BRD3OS: variants seen among roughly 807,000 people sequenced by gnomAD.
The protein encoded by BRD3OS is uncharacterized protein BRD3OS.
chr9:134,031,331 GC>G lies in BRD3OS; in HGVS notation c.*4335del. 6 of 207,868 alleles carry G rather than the reference GC, an allele frequency of 2.9e-5. No homozygotes were observed. The highest frequency in any genetic ancestry group is 7.1e-5 in the East Asian group (1 of 14,010). 12.9% of individuals were successfully genotyped at this position (207,868 alleles called of 1,614,324 possible). A position where few individuals can be genotyped will look rare whatever the true frequency, so the allele number is the denominator to read the frequency against. On this transcript the variant is annotated 3_prime_UTR_variant, in exon 3 of 3. Transcript: ENST00000603928. ...TGGCTGGAGGGGCATTGCAAGGAGC[GC>G]CCCCCAGCCCCAGGCACCCCCGGCT...
intron 1 of BRD3OS, 82 bp downstream of exon 1, chr9:134,025,618 C>G (rs904161047): frequency 3.3e-5 from 5 of 149,608 alleles, no homozygotes; most frequent in African/African-American, 1.2e-4. Flanking sequence ...CCAGAGCGCG[C>G]GGGGTCTGGG....
chr9:134,028,427 T>G lies in BRD3OS; in HGVS notation c.*1425T>G, dbSNP rs1214254255. 1 of 152,292 alleles carries G rather than the reference T, an allele frequency of 6.6e-6. No homozygotes were observed. 9.4% of individuals were successfully genotyped at this position (152,292 alleles called of 1,614,324 possible). On this transcript the variant is annotated 3_prime_UTR_variant, in exon 3 of 3. Transcript: ENST00000603928. ...TTTTTTTAAGAGAGTCTCACTCTGT[T>G]GCCCAGGCTGGAGTGCAATGGCACA...
chr9:134,026,287 G>C lies in BRD3OS; in HGVS notation c.-461G>C, dbSNP rs1363700476. ...GGTGGGTCAGAACAGCCGTTGCCCT[G>C]AAAGCTGGCCCGGACAGATGCGTGC... On this transcript the variant is annotated 5_prime_UTR_variant, in exon 3 of 3. Transcript: ENST00000603928. This position sits in a 1 kb window ranked among gnomAD's most constrained non-coding sequence, Gnocchi z 4.4. The C allele has an allele frequency of 6.5e-6, 1 of 153,090 alleles. No individual in the cohort carries two copies. The highest frequency in any genetic ancestry group is 1.5e-5 in the Non-Finnish European group (1 of 68,672). 9.5% of individuals were successfully genotyped at this position (153,090 alleles called of 1,614,324 possible).
At position 134,029,005 on chromosome 9, in the gene BRD3OS, T is replaced by C. The variant is rs1843471032; in HGVS notation, c.*2003T>C. ...GAGATTTGAAGTCAGACTTCCAGGA[T>C]TGCCGCATGGAGCTGCAGAGGGAGT... On this transcript the variant is annotated 3_prime_UTR_variant, in exon 3 of 3. Coordinates refer to ENST00000603928, the MANE Select transcript of BRD3OS (RefSeq NM_001355256.2). 6.6e-6 allele frequency: 1 copy of C among 152,248 alleles called. No individual in the cohort carries two copies. Among genetic ancestry groups the C allele is most frequent in the Non-Finnish European group, 1.5e-5 (1 of 68,050 alleles). The allele number at this position is 152,248 out of a possible 1,614,324, so 9.4% of individuals were successfully genotyped here.
At position 134,027,022 on chromosome 9, in the gene BRD3OS, A is replaced by T. The variant is rs1165033612; in HGVS notation, c.*20A>T. The stretch of plus-strand genomic sequence containing the variant: ...ATGTAATTCCGATGTGAGCACCTGA[A>T]CCCAGGACCACACTTTGAGGAAAAC... On this transcript the variant is annotated 3_prime_UTR_variant, in exon 3 of 3. Transcript: ENST00000603928. 5.0e-6 allele frequency: 2 copies of T among 398,694 alleles called. No individual in the cohort carries two copies. The highest frequency in any genetic ancestry group is 4.1e-5 in the African/African-American group (2 of 48,636). 24.7% of individuals were successfully genotyped at this position (398,694 alleles called of 1,614,324 possible).
At position 134,027,871 on chromosome 9, in the gene BRD3OS, C is replaced by T. The variant is rs1219813691; in HGVS notation, c.*869C>T. On this transcript the variant is annotated 3_prime_UTR_variant, in exon 3 of 3. Transcript: ENST00000603928. ...GCCTACAGTGACTTCCATGTAGTAA[C>T]AGGGCTGAGCAAGGCAGGCTCTCCA... 6.6e-6 allele frequency: 1 copy of T among 152,206 alleles called. No individual in the cohort carries two copies. Among genetic ancestry groups the T allele is most frequent in the African/African-American group, 2.4e-5 (1 of 41,436 alleles). 9.4% of individuals were successfully genotyped at this position (152,206 alleles called of 1,614,324 possible).
At position 134,028,563 on chromosome 9, in the gene BRD3OS, A is replaced by G. The variant is rs950630245; in HGVS notation, c.*1561A>G. ...GCCACCACGCCTGGCTAATTTTTCT[A>G]TTTTTAATAGAGACAAGGTTTCACC... On this transcript the variant is annotated 3_prime_UTR_variant, in exon 3 of 3. Coordinates refer to ENST00000603928, the MANE Select transcript of BRD3OS (RefSeq NM_001355256.2). The G allele has an allele frequency of 8.6e-5, 13 of 152,008 alleles. No individual in the cohort carries two copies. The highest frequency in any genetic ancestry group is 3.1e-4 in the African/African-American group (13 of 41,370). The allele number at this position is 152,008 out of a possible 1,614,324, so 9.4% of individuals were successfully genotyped here.
chr9:134,027,193 CTGG>C lies in BRD3OS; in HGVS notation c.*194_*196del, dbSNP rs1442369056. On this transcript the variant is annotated 3_prime_UTR_variant, in exon 3 of 3. Transcript: ENST00000603928. ...ACCCCTCAGCACAGCCGCGGTGTGA[CTGG>C]TGCACAGGACACTTCCCCTCTAGAG... 1.1e-5 allele frequency: 4 copies of C among 372,326 alleles called. No homozygotes were observed. The South Asian group carries it at 4.5e-4, about 41-fold the overall frequency. The allele number at this position is 372,326 out of a possible 1,614,324, so 23.1% of individuals were successfully genotyped here.
In BRD3OS at chr9:134,027,133, TG is replaced by T; in HGVS notation, c.*132del. ...AATGAACGTGAAGATCAAACTGTGGTGTAAGAACCCAAGAAGCGCAGAATTG... is the reference window on the plus strand; with the variant it reads ...AATGAACGTGAAGATCAAACTGTGGTTAAGAACCCAAGAAGCGCAGAATTG... On this transcript the variant is annotated 3_prime_UTR_variant, in exon 3 of 3. Transcript: ENST00000603928. 1 of 395,346 alleles carries T rather than the reference TG, an allele frequency of 2.5e-6. No individual in the cohort carries two copies. The highest frequency in any genetic ancestry group is 4.5e-6 in the Non-Finnish European group (1 of 224,476). The allele number at this position is 395,346 out of a possible 1,614,324, so 24.5% of individuals were successfully genotyped here. A position where few individuals can be genotyped will look rare whatever the true frequency, so the allele number is the denominator to read the frequency against.
In BRD3OS at chr9:134,028,775, A is replaced by G. The variant is rs1843467564; in HGVS notation, c.*1773A>G. The G allele has an allele frequency of 6.6e-6, 1 of 152,304 alleles. No homozygotes were observed. Among genetic ancestry groups the G allele is most frequent in the Admixed American group, 6.5e-5 (1 of 15,294 alleles). The allele number at this position is 152,304 out of a possible 1,614,324, so 9.4% of individuals were successfully genotyped here. A position where few individuals can be genotyped will look rare whatever the true frequency, so the allele number is the denominator to read the frequency against. Reference sequence around the variant, plus strand: ...ACAGCATCCAGGTTGTCATCTGTGCAAACAGCATGTTCTGAATGTGCCTGT... The same window carrying G: ...ACAGCATCCAGGTTGTCATCTGTGCGAACAGCATGTTCTGAATGTGCCTGT... On this transcript the variant is annotated 3_prime_UTR_variant, in exon 3 of 3. Transcript: ENST00000603928.
Position 134,028,631 on chromosome 9 carries a change from T to TGG in BRD3OS, c.*1630_*1631insGG, listed in dbSNP as rs2132359972. Reference sequence around the variant, plus strand: ...CTCGAACTGCCAATCTCAGGTGATCTGCCCACCTCGGCCTCCCAAAGTACT... The same window carrying TGG: ...CTCGAACTGCCAATCTCAGGTGATCTGGGCCCACCTCGGCCTCCCAAAGTACT... On this transcript the variant is annotated 3_prime_UTR_variant, in exon 3 of 3. Transcript: ENST00000603928. 6.6e-6 allele frequency: 1 copy of TGG among 152,404 alleles called. No homozygotes were observed. The highest frequency in any genetic ancestry group is 1.9e-4 in the East Asian group (1 of 5,176). 9.4% of individuals were successfully genotyped at this position (152,404 alleles called of 1,614,324 possible).
At position 134,031,175 on chromosome 9, in the gene BRD3OS, G is replaced by A. The variant is rs1588266669; in HGVS notation, c.*4173G>A. 13 of 224,788 alleles carry A rather than the reference G, an allele frequency of 5.8e-5. No individual in the cohort carries two copies. The East Asian group carries it at 8.3e-4, about 14-fold the overall frequency. The allele number at this position is 224,788 out of a possible 1,614,324, so 13.9% of individuals were successfully genotyped here. On this transcript the variant is annotated 3_prime_UTR_variant, in exon 3 of 3. Coordinates refer to ENST00000603928, the MANE Select transcript of BRD3OS (RefSeq NM_001355256.2). ...AGTGGCTTCTTTCTAGATGAAAGGAGCAGAGGCGAGCCGACGCCACCGTCA... is the reference window on the plus strand; with the variant it reads ...AGTGGCTTCTTTCTAGATGAAAGGAACAGAGGCGAGCCGACGCCACCGTCA...
chr9:134,027,720 T>G lies in BRD3OS; in HGVS notation c.*718T>G, dbSNP rs1421266966. The G allele has an allele frequency of 6.6e-6, 1 of 152,224 alleles. No individual in the cohort carries two copies. The highest frequency in any genetic ancestry group is 6.5e-5 in the Admixed American group (1 of 15,288). 9.4% of individuals were successfully genotyped at this position (152,224 alleles called of 1,614,324 possible). ...TCACCGCACCAAGCCCGCATTTATA[T>G]TTTGAGTTACCAAAATGATCATCAT... On this transcript the variant is annotated 3_prime_UTR_variant, in exon 3 of 3. Coordinates refer to ENST00000603928, the MANE Select transcript of BRD3OS (RefSeq NM_001355256.2).
At position 134,030,671 on chromosome 9, in the gene BRD3OS, C is replaced by T; in HGVS notation, c.*3669C>T. The T allele has an allele frequency of 4.3e-6, 1 of 230,082 alleles. No individual in the cohort carries two copies. Among genetic ancestry groups the T allele is most frequent in the South Asian group, 1.8e-4 (1 of 5,492 alleles). The allele number at this position is 230,082 out of a possible 1,614,324, so 14.3% of individuals were successfully genotyped here. A position where few individuals can be genotyped will look rare whatever the true frequency, so the allele number is the denominator to read the frequency against. On this transcript the variant is annotated 3_prime_UTR_variant, in exon 3 of 3. Coordinates refer to ENST00000603928, the MANE Select transcript of BRD3OS (RefSeq NM_001355256.2). ...ACAAATTCTGTATGTGGGTGTTACT[C>T]TTTCCCAAAAGACTGTCAGAGGCGT... is the stretch of plus-strand genomic sequence containing the variant.
In BRD3OS at chr9:134,026,647, T is replaced by TC; in HGVS notation, c.-99dup. The TC allele has an allele frequency of 2.5e-6, 1 of 397,476 alleles. No homozygotes were observed. Among genetic ancestry groups the TC allele is most frequent in the Middle Eastern group, 6.3e-4 (1 of 1,588 alleles). 24.6% of individuals were successfully genotyped at this position (397,476 alleles called of 1,614,324 possible). A position where few individuals can be genotyped will look rare whatever the true frequency, so the allele number is the denominator to read the frequency against. ...TTCTACCATTCAGTTAAACGAGGGA[T>TC]CCTTAAGCCCCAAAGCTGGGAAAGC... On this transcript the variant is annotated 5_prime_UTR_variant, in exon 3 of 3. The change creates a premature stop within an existing upstream ORF in the 5' untranslated region. Coordinates refer to ENST00000603928, the MANE Select transcript of BRD3OS (RefSeq NM_001355256.2). The surrounding 1 kb of genome is among the most constrained non-coding windows in gnomAD (Gnocchi z 4.4).
In BRD3OS at chr9:134,027,184, G is replaced by C. The variant is rs573606481; in HGVS notation, c.*182G>C. 1 of 376,354 alleles carries C rather than the reference G, an allele frequency of 2.7e-6. No individual in the cohort carries two copies. Among genetic ancestry groups the C allele is most frequent in the East Asian group, 3.8e-5 (1 of 26,472 alleles). The allele number at this position is 376,354 out of a possible 1,614,324, so 23.3% of individuals were successfully genotyped here. The stretch of plus-strand genomic sequence containing the variant: ...GGCCCCCGAACCCCTCAGCACAGCC[G>C]CGGTGTGACTGGTGCACAGGACACT... On this transcript the variant is annotated 3_prime_UTR_variant, in exon 3 of 3. Transcript: ENST00000603928.
chr9:134,028,553 T>A lies in BRD3OS; in HGVS notation c.*1551T>A, dbSNP rs187934258. Reference sequence around the variant, plus strand: ...ACAGGTGCCTGCCACCACGCCTGGCTAATTTTTCTATTTTTAATAGAGACA... The same window carrying A: ...ACAGGTGCCTGCCACCACGCCTGGCAAATTTTTCTATTTTTAATAGAGACA... On this transcript the variant is annotated 3_prime_UTR_variant, in exon 3 of 3. Coordinates refer to ENST00000603928, the MANE Select transcript of BRD3OS (RefSeq NM_001355256.2). 1 of 152,236 alleles carries A rather than the reference T, an allele frequency of 6.6e-6. No homozygotes were observed. Among genetic ancestry groups the A allele is most frequent in the Admixed American group, 6.5e-5 (1 of 15,274 alleles). 9.4% of individuals were successfully genotyped at this position (152,236 alleles called of 1,614,324 possible).
Position 134,026,735 on chromosome 9 carries a change from G to A in BRD3OS, c.-13G>A. 1 of 398,872 alleles carries A rather than the reference G, an allele frequency of 2.5e-6. No individual in the cohort carries two copies. The highest frequency in any genetic ancestry group is 4.4e-6 in the Non-Finnish European group (1 of 226,114). The allele number at this position is 398,872 out of a possible 1,614,324, so 24.7% of individuals were successfully genotyped here. On this transcript the variant is annotated 5_prime_UTR_variant, in exon 3 of 3. Coordinates refer to ENST00000603928, the MANE Select transcript of BRD3OS (RefSeq NM_001355256.2). This position sits in a 1 kb window ranked among gnomAD's most constrained non-coding sequence, Gnocchi z 4.4. ...AGCAGGGTTCCCAGGAGTCCAGCGG[G>A]ACGGGGGAGGGGATGAGTGGCCGTG...
rs1406502242 is a variant in BRD3OS, at chr9:134,026,339, G to C, written c.-409G>C. The stretch of plus-strand genomic sequence containing the variant: ...GGGCGTGCCACCGGAGCTCCTTCCA[G>C]CTTGCGTCTGGGGCCACCATGTCCC... On this transcript the variant is annotated 5_prime_UTR_variant, in exon 3 of 3. Coordinates refer to ENST00000603928, the MANE Select transcript of BRD3OS (RefSeq NM_001355256.2). This position sits in a 1 kb window ranked among gnomAD's most constrained non-coding sequence, Gnocchi z 4.4. 6.4e-6 allele frequency: 1 copy of C among 156,196 alleles called. No homozygotes were observed. The highest frequency in any genetic ancestry group is 2.4e-5 in the African/African-American group (1 of 41,616). 9.7% of individuals were successfully genotyped at this position (156,196 alleles called of 1,614,324 possible). A position where few individuals can be genotyped will look rare whatever the true frequency, so the allele number is the denominator to read the frequency against.
Sources: allele counts gnomAD v4.1 joint callset, GRCh38; gene constraint gnomAD v4.1.1; non-coding constraint Gnocchi (gnomAD v3.1); transcripts MANE v1.5; gene names NCBI Gene and HGNC (gene_info 2026-07-23, HGNC 2026-07-21).